Variants in BBX observed in about 807,000 individuals in gnomAD.
BBX encodes HMG box transcription factor BBX.
Under a neutral mutation model 100.2 loss-of-function variants are expected in BBX, and 30 were observed. The observed-to-expected ratio is 0.30, with a 90% confidence interval of 0.22 to 0.41. The LOEUF (loss-of-function observed/expected upper bound fraction) is 0.41. Among genes scored for constraint, BBX ranks in the 10% least tolerant of loss-of-function variants. The pLI is 1.00. For synonymous variants in BBX, 376 were observed against 388.1 expected, an observed-to-expected ratio of 0.97 and a Z score of 0.37; for missense variants, 1,023 against 1,129.8, an observed-to-expected ratio of 0.91 and a Z score of 1.35.
chr3:107,622,992 C>G (rs1166471797), intron 2 of BBX, among the ~76,000 whole-genome samples: 4 of 152,172 alleles, frequency 2.6e-5, no homozygotes, highest in African/African-American at 9.7e-5. Flanking sequence ...ATCAGTAGTT[C>G]AGCACTCAGT....
intron 2 of BBX, among the ~76,000 whole-genome samples, chr3:107,565,730 T>A (rs1415663823): frequency 1.3e-5 from 2 of 151,780 alleles, no homozygotes; most frequent in Non-Finnish European, 1.5e-5. Flanking sequence ...ATGCTCGGAT[T>A]ACAGGCATGA....
chr3:107,701,913 T>G (rs1017916737), intron 3 of BBX, among the ~76,000 whole-genome samples: 1 of 152,188 alleles, frequency 6.6e-6, no homozygotes, highest in African/African-American at 2.4e-5. Flanking sequence ...ATAGGAAGCA[T>G]TATATATGTC....
chr3:107,721,582 T>C (rs755012106), intron 5 of BBX, among the ~76,000 whole-genome samples: 9 of 152,162 alleles, frequency 5.9e-5, no homozygotes, highest in Non-Finnish European at 8.8e-5. Context: ...CTGAGACCTT[T>C]TCCATTCCTG....
chr3:107,684,190 T>G (rs2059717309), intron 3 of BBX, among the ~76,000 whole-genome samples: 1 of 152,212 alleles, frequency 6.6e-6, no homozygotes, highest in Non-Finnish European at 1.5e-5. Context: ...TTGCTATTTA[T>G]CTTCTCTAAC....
chr3:107,718,783 C>G (rs1370421097), intron 5 of BBX, among the ~76,000 whole-genome samples: 1 of 152,062 alleles, frequency 6.6e-6, no homozygotes, highest in East Asian at 1.9e-4. Flanking sequence ...AAAATGAAAT[C>G]TGTTAAGGTA....
chr3:107,748,340 T>C (rs1235267048), intron 9 of BBX, among the ~76,000 whole-genome samples: 3 of 152,226 alleles, frequency 2.0e-5, no homozygotes, highest in Non-Finnish European at 4.4e-5. Flanking sequence ...GAAAAACTGC[T>C]GTCAACAAGA....
intron 3 of BBX, among the ~76,000 whole-genome samples, chr3:107,651,016 T>C (rs1369244131): frequency 6.6e-6 from 1 of 152,158 alleles, no homozygotes; most frequent in Non-Finnish European, 1.5e-5. Context: ...TCTCTTCCTC[T>C]TCTCATAAGT....
intron 3 of BBX, among the ~76,000 whole-genome samples, chr3:107,672,633 A>G (rs929314738): frequency 1.2e-4 from 18 of 152,052 alleles, no homozygotes; most frequent in African/African-American, 4.3e-4. Flanking sequence ...GTATATTTTT[A>G]TTAAGTAGAA....
At position 107,772,018 on chromosome 3, in the gene BBX, T is replaced by C. The variant is rs566632636; in HGVS notation, c.907-610T>C. Among the ~76,000 whole-genome samples, 7 of 152,232 alleles carry C rather than the reference T, an allele frequency of 4.6e-5. No individual in the cohort carries two copies. The South Asian group carries it at 8.3e-4, about 18-fold the overall frequency. On this transcript the variant is annotated intron_variant, in intron 10 of 17. Transcript: ENST00000325805. ...ACAAGAAGCTCAAAGGAAATGCTCA[T>C]TGGAGCATTTCGGATTTCTGATTTT...
intron 2 of BBX, among the ~76,000 whole-genome samples, chr3:107,622,181 G>A (rs574977205): frequency 6.6e-6 from 1 of 152,160 alleles, no homozygotes; most frequent in African/African-American, 2.4e-5. Context: ...CCATATAAAC[G>A]GTGTCACGTG....
intron 4 of BBX, 100 bp from the exon 5 acceptor site, chr3:107,716,507 G>T: frequency 7.1e-7 from 1 of 1,401,912 alleles, no homozygotes. Context: ...TTGTTTAAAT[G>T]GAGCTAAGAA....
At chr3:107,697,045 CCAT>C (rs1350326198) in intron 3 of BBX, among the ~76,000 whole-genome samples, 2 of 151,800 alleles carry the variant, frequency 1.3e-5, no homozygotes, top group East Asian at 3.8e-4. Context: ...GTTTTCAGCT[CCAT>C]CAGCTCCTTT....
At chr3:107,537,993 A>G (rs990835036) in intron 2 of BBX, among the ~76,000 whole-genome samples, 6 of 152,228 alleles carry the variant, frequency 3.9e-5, no homozygotes, top group African/African-American at 1.4e-4. Context: ...CACATGGAAT[A>G]GTAACTGTGA....
chr3:107,773,449 A>G lies in BBX; in HGVS notation c.1728A>G (p.Pro576=), dbSNP rs373525652. The G allele has an allele frequency of 1.9e-6, 3 of 1,614,144 alleles. No individual in the cohort carries two copies. The highest frequency in any genetic ancestry group is 2.2e-5 in the East Asian group (1 of 44,874). The part of the protein sequence containing the change: ...GETPEGIKAE[P]LTPMEDALPP... ...CACCAGAGGGTATAAAAGCAGAACC[A>G]TTGACCCCTATGGAAGATGCACTAC... The change falls in exon 11 of 18, where the codon CCA becomes CCG. Residue 576 remains proline (P), a synonymous_variant. Transcript: ENST00000325805. This position sits in a 1 kb window ranked among gnomAD's most constrained non-coding sequence, Gnocchi z 4.1.
chr3:107,607,698 T>G (rs1174667497), intron 2 of BBX, among the ~76,000 whole-genome samples: 1 of 152,216 alleles, frequency 6.6e-6, no homozygotes, highest in Non-Finnish European at 1.5e-5. Context: ...GGGTTTCCTT[T>G]TCTCCGTATC....
At chr3:107,772,197 A>T (rs758616435) in intron 10 of BBX, among the ~76,000 whole-genome samples, 2 of 152,238 alleles carry the variant, frequency 1.3e-5, no homozygotes, top group Non-Finnish European at 1.5e-5. Context: ...CTTAGACCAC[A>T]CAGAATCCTC....
intron 3 of BBX, among the ~76,000 whole-genome samples, chr3:107,692,230 A>G (rs1240027973): frequency 6.6e-6 from 1 of 150,996 alleles, no homozygotes; most frequent in Non-Finnish European, 1.5e-5. Context: ...GTTTTAGGGT[A>G]CATGTGCACA....
intron 5 of BBX, among the ~76,000 whole-genome samples, chr3:107,724,344 C>G (rs2062761606): frequency 6.6e-6 from 1 of 151,618 alleles, no homozygotes; most frequent in Non-Finnish European, 1.5e-5. Flanking sequence ...AAATTTTCTC[C>G]CATTCTGTAG....
At chr3:107,558,461 C>T (rs548860419) in intron 2 of BBX, among the ~76,000 whole-genome samples, 1 of 152,064 alleles carries the variant, frequency 6.6e-6, no homozygotes, top group Non-Finnish European at 1.5e-5. Context: ...ATACTTCAGC[C>T]TGGGGGACAG....
Sources: gnomAD v4.1 joint callset for allele counts (sites outside exome capture counted in the v4.1 genomes callset) on GRCh38, gnomAD v4.1.1 for gene constraint, Gnocchi (gnomAD v3.1) non-coding constraint, MANE v1.5 for transcripts, NCBI Gene and HGNC (gene_info 2026-07-23, HGNC 2026-07-21) for gene names.